The following SPACA4 variants were observed in gnomAD, a reference collection of about 807,000 sequenced individuals.
The protein encoded by SPACA4 is sperm acrosome associated 4.
For missense variants in SPACA4, 130 were observed against 169.4 expected, an observed-to-expected ratio of 0.77 and a Z score of 1.29; for synonymous variants, 63 against 77.5, an observed-to-expected ratio of 0.81 and a Z score of 0.98.
chr19:48,607,154 C>T lies in SPACA4; in HGVS notation c.176C>T (p.Pro59Leu), dbSNP rs751774402. Residue 59 changes from proline (P) to leucine (L), a missense_variant, in exon 1 of 1, where the codon CCG (proline) becomes CTG (leucine). By Grantham distance (98) the Pro-to-Leu change is moderately conservative (BLOSUM62 -3). Coordinates refer to ENST00000321762, the MANE Select transcript of SPACA4 (RefSeq NM_133498.3). ...CACGGGGTCGCCCCGGGCACTGGTC[C>T]GGTCATCAACAAAGGCTGCCTGCGA... ...TGHGVAPGTG[P>L]VINKGCLRAT... 1.2e-5 allele frequency: 20 copies of T among 1,612,910 alleles called. 1 individual carries two copies. In the South Asian group the frequency reaches 1.6e-4, roughly 13 times the overall value.
In SPACA4 at chr19:48,606,887, G is replaced by A. The variant is rs1309437743; in HGVS notation, c.-92G>A. The A allele has an allele frequency of 2.7e-6, 4 of 1,474,496 alleles. No homozygotes were observed. The highest frequency in any genetic ancestry group is 3.6e-6 in the Non-Finnish European group (4 of 1,109,786). The allele number at this position is 1,474,496 out of a possible 1,614,324, so 91.3% of individuals were successfully genotyped here. A position where few individuals can be genotyped will look rare whatever the true frequency, so the allele number is the denominator to read the frequency against. On this transcript the variant is annotated 5_prime_UTR_variant, in exon 1 of 1. Coordinates refer to ENST00000321762, the MANE Select transcript of SPACA4 (RefSeq NM_133498.3). Reference sequence around the variant, plus strand: ...ACCAGGGCCAAAGTCCCGTGGGCAAGAGGAGTCCTCAGAGGTCCTTCATTC... The same window carrying A: ...ACCAGGGCCAAAGTCCCGTGGGCAAAAGGAGTCCTCAGAGGTCCTTCATTC...
At position 48,606,916 on chromosome 19, in the gene SPACA4, G is replaced by C. The variant is rs1035544002; in HGVS notation, c.-63G>C. On this transcript the variant is annotated 5_prime_UTR_variant, in exon 1 of 1. Transcript: ENST00000321762. ...AGTCCTCAGAGGTCCTTCATTCAGC[G>C]GTTCCGGGAGGTCTGGGAAGCCCAC... 73 of 1,560,050 alleles carry C rather than the reference G, an allele frequency of 4.7e-5. No individual in the cohort carries two copies. In the South Asian group the frequency reaches 8.4e-4, roughly 18 times the overall value.
Position 48,607,018 on chromosome 19 carries a change from C to T in SPACA4, c.40C>T (p.Pro14Ser), listed in dbSNP as rs1336230530. Reference sequence around the variant, plus strand: ...GCTGCTGCTTCTGGTGATGGCTCTGCCCCCAGGCACGACGGGCGTCAAGGA... The same window carrying T: ...GCTGCTGCTTCTGGTGATGGCTCTGTCCCCAGGCACGACGGGCGTCAAGGA... ...CWLLLLVMAL[P>S]PGTTGVKDCV... is the part of the protein sequence containing the mutation. Residue 14 changes from proline to serine, a missense_variant, in exon 1 of 1, where the codon CCC (proline) becomes TCC (serine). Transcript: ENST00000321762. 6 of 1,610,660 alleles carry T rather than the reference C, an allele frequency of 3.7e-6. No homozygotes were observed. In the African/African-American group the frequency reaches 8.0e-5, roughly 21 times the overall value.
At position 48,606,942 on chromosome 19, in the gene SPACA4, G is replaced by C; in HGVS notation, c.-37G>C. 6.3e-7 allele frequency: 1 copy of C among 1,590,868 alleles called. No homozygotes were observed. Among genetic ancestry groups the C allele is most frequent in the Non-Finnish European group, 8.5e-7 (1 of 1,173,376 alleles). ...GTTCCGGGAGGTCTGGGAAGCCCAC[G>C]GCCTGGCTGGGGCAGGGTCAACGCC... On this transcript the variant is annotated 5_prime_UTR_variant, in exon 1 of 1. Transcript: ENST00000321762.
Position 48,607,028 on chromosome 19 carries a change from C to G in SPACA4, c.50C>G (p.Thr17Arg), listed in dbSNP as rs143767613. The G allele has an allele frequency of 1.2e-6, 2 of 1,611,704 alleles. No individual in the cohort carries two copies. The highest frequency in any genetic ancestry group is 1.6e-4 in the Middle Eastern group (1 of 6,062). The change falls in exon 1 of 1, where the codon ACG becomes AGG. Residue 17 changes from threonine (T) to arginine (R), a missense_variant. Transcript: ENST00000321762. Reference protein sequence around the residue: ...LLLVMALPPGTTGVKDCVFCE... With the variant: ...LLLVMALPPGRTGVKDCVFCE... ...CTGGTGATGGCTCTGCCCCCAGGCA[C>G]GACGGGCGTCAAGGACTGCGTCTTC... is the stretch of plus-strand genomic sequence containing the variant.
In SPACA4 at chr19:48,607,342, C is replaced by T. The variant is rs1279396805; in HGVS notation, c.364C>T (p.Arg122Cys). The T allele has an allele frequency of 5.7e-6, 9 of 1,589,094 alleles. No homozygotes were observed. The highest frequency in any genetic ancestry group is 3.4e-5 in the South Asian group (3 of 88,272). ...GGGGCTGGGTATGCTGCTTCCTCCACGTTTGCTGTGACCAACAGGGAGGAC... is the reference window on the plus strand; with the variant it reads ...GGGGCTGGGTATGCTGCTTCCTCCATGTTTGCTGTGACCAACAGGGAGGAC... The part of the protein sequence containing the change: ...ALGLGMLLPP[R>C]LL Residue 122 changes from arginine to cysteine, a missense_variant, in exon 1 of 1, where the codon CGT becomes TGT. Physicochemically the swap from Arg to Cys is radical, Grantham distance 180 (BLOSUM62 -3). Transcript: ENST00000321762.
chr19:48,607,454 C>A lies in SPACA4; in HGVS notation c.*101C>A. 1 of 1,423,086 alleles carries A rather than the reference C, an allele frequency of 7.0e-7. No individual in the cohort carries two copies. The highest frequency in any genetic ancestry group is 9.4e-7 in the Non-Finnish European group (1 of 1,063,338). 88.2% of individuals were successfully genotyped at this position (1,423,086 alleles called of 1,614,324 possible). A position where few individuals can be genotyped will look rare whatever the true frequency, so the allele number is the denominator to read the frequency against. On this transcript the variant is annotated 3_prime_UTR_variant, in exon 1 of 1. Transcript: ENST00000321762. Reference sequence around the variant, plus strand: ...AAATGGCCAGAGAGGCCCTGGACAACCTCTTGCGGCCCTGGCTTCATCCCT... The same window carrying A: ...AAATGGCCAGAGAGGCCCTGGACAAACTCTTGCGGCCCTGGCTTCATCCCT...
chr19:48,607,673 A>AT lies in SPACA4; in HGVS notation c.*320_*321insT, dbSNP rs199961807. On this transcript the variant is annotated 3_prime_UTR_variant, in exon 1 of 1. Transcript: ENST00000321762. ...TTAGAGTCCATGAAATATGGTAAAA[A>AT]ATATATATATATCATAATAAATGAC... 7.2e-3 allele frequency: 2,430 copies of AT among 335,606 alleles called. 13 individuals are homozygous for AT. The highest frequency in any genetic ancestry group is 8.4e-3 in the Non-Finnish European group (1,492 of 178,042). 20.8% of individuals were successfully genotyped at this position (335,606 alleles called of 1,614,324 possible). A position where few individuals can be genotyped will look rare whatever the true frequency, so the allele number is the denominator to read the frequency against.
Position 48,606,761 on chromosome 19 carries a change from G to T in SPACA4, c.-218G>T. 1.7e-6 allele frequency: 1 copy of T among 596,342 alleles called. No homozygotes were observed. The allele number at this position is 596,342 out of a possible 1,614,324, so 36.9% of individuals were successfully genotyped here. On this transcript the variant is annotated 5_prime_UTR_variant, in exon 1 of 1. Coordinates refer to ENST00000321762, the MANE Select transcript of SPACA4 (RefSeq NM_133498.3). Reference sequence around the variant, plus strand: ...TCACTCATTCCATTCACAGACTCTTGTTGGGCAGCAGCCACCCGCTCACCT... The same window carrying T: ...TCACTCATTCCATTCACAGACTCTTTTTGGGCAGCAGCCACCCGCTCACCT...
chr19:48,607,581 T>G lies in SPACA4; in HGVS notation c.*228T>G. 2 of 583,038 alleles carry G rather than the reference T, an allele frequency of 3.4e-6. No individual in the cohort carries two copies. The highest frequency in any genetic ancestry group is 6.2e-6 in the Non-Finnish European group (2 of 324,238). The allele number at this position is 583,038 out of a possible 1,614,324, so 36.1% of individuals were successfully genotyped here. ...CGTGGGTTTGATTGTATTACTCTGT[T>G]CCACTGGTTCTAAGACGCAGAGCTT... On this transcript the variant is annotated 3_prime_UTR_variant, in exon 1 of 1. Coordinates refer to ENST00000321762, the MANE Select transcript of SPACA4 (RefSeq NM_133498.3).
chr19:48,606,862 A>T lies in SPACA4; in HGVS notation c.-117A>T, dbSNP rs888481064. The T allele has an allele frequency of 7.5e-7, 1 of 1,329,788 alleles. No homozygotes were observed. The highest frequency in any genetic ancestry group is 1.5e-5 in the African/African-American group (1 of 67,910). The allele number at this position is 1,329,788 out of a possible 1,614,324, so 82.4% of individuals were successfully genotyped here. On this transcript the variant is annotated 5_prime_UTR_variant, in exon 1 of 1. Coordinates refer to ENST00000321762, the MANE Select transcript of SPACA4 (RefSeq NM_133498.3). ...CAGGCGCTGACCCTGGGAGGCCAGG[A>T]CCAGGGCCAAAGTCCCGTGGGCAAG...
Position 48,607,312 on chromosome 19 carries a change from G to C in SPACA4, c.334G>C (p.Ala112Pro). The C allele has an allele frequency of 1.9e-6, 3 of 1,596,884 alleles. No homozygotes were observed. Among genetic ancestry groups the C allele is most frequent in the Non-Finnish European group, 2.6e-6 (3 of 1,171,448 alleles). ...GACAGTGGGGGCCACCACCAGCCTGGCACTGGGGCTGGGTATGCTGCTTCC... is the reference window on the plus strand; with the variant it reads ...GACAGTGGGGGCCACCACCAGCCTGCCACTGGGGCTGGGTATGCTGCTTCC... The part of the protein sequence containing the change: ...SQTVGATTSL[A>P]LGLGMLLPPR... The change falls in exon 1 of 1, where the codon GCA (alanine) becomes CCA (proline). Residue 112 changes from alanine to proline, a missense_variant. Transcript: ENST00000321762.
In SPACA4 at chr19:48,607,291, G is replaced by C; in HGVS notation, c.313G>C (p.Val105Leu). 1.3e-6 allele frequency: 2 copies of C among 1,599,374 alleles called. No homozygotes were observed. ...TAACAGAGCCCCGAGCAGCCAGACA[G>C]TGGGGGCCACCACCAGCCTGGCACT... is the stretch of plus-strand genomic sequence containing the variant. ...LCNRAPSSQT[V>L]GATTSLALGL... Residue 105 changes from valine (V) to leucine (L), a missense_variant, in exon 1 of 1, where the codon GTG (valine) becomes CTG (leucine). Coordinates refer to ENST00000321762, the MANE Select transcript of SPACA4 (RefSeq NM_133498.3).
chr19:48,607,230 C>T lies in SPACA4; in HGVS notation c.252C>T (p.Tyr84=), dbSNP rs1973948426. The change falls in exon 1 of 1, where the codon TAC becomes TAT. Residue 84 remains tyrosine, a synonymous_variant. Coordinates refer to ENST00000321762, the MANE Select transcript of SPACA4 (RefSeq NM_133498.3). ...EEPVSYRGVT[Y]SLTTNCCTGR... is the part of the protein sequence containing the mutation. The stretch of plus-strand genomic sequence containing the variant: ...CCGTCAGCTACAGGGGCGTCACCTA[C>T]AGCCTCACCACCAACTGCTGCACCG... 1.2e-6 allele frequency: 2 copies of T among 1,612,480 alleles called. No homozygotes were observed. The highest frequency in any genetic ancestry group is 1.7e-6 in the Non-Finnish European group (2 of 1,179,564).
At position 48,607,394 on chromosome 19, in the gene SPACA4, C is replaced by T. The variant is rs745881533; in HGVS notation, c.*41C>T. On this transcript the variant is annotated 3_prime_UTR_variant, in exon 1 of 1. Coordinates refer to ENST00000321762, the MANE Select transcript of SPACA4 (RefSeq NM_133498.3). ...GGGCCTGGGACTGTTCTCCCAGATC[C>T]GCCACTCCCCATGTCCCCATGTCCT... The T allele has an allele frequency of 1.9e-5, 29 of 1,530,480 alleles. No individual in the cohort carries two copies. Among genetic ancestry groups the T allele is most frequent in the African/African-American group, 2.7e-5 (2 of 73,036 alleles). 94.8% of individuals were successfully genotyped at this position (1,530,480 alleles called of 1,614,324 possible). A position where few individuals can be genotyped will look rare whatever the true frequency, so the allele number is the denominator to read the frequency against.
rs1472775838 is a variant in SPACA4, at chr19:48,606,845, G to A, written c.-134G>A. 8.6e-7 allele frequency: 1 copy of A among 1,156,090 alleles called. No individual in the cohort carries two copies. The highest frequency in any genetic ancestry group is 1.2e-6 in the Non-Finnish European group (1 of 839,402). 71.6% of individuals were successfully genotyped at this position (1,156,090 alleles called of 1,614,324 possible). ...GGGAACAGAGGACACTCCAGGCGCT[G>A]ACCCTGGGAGGCCAGGACCAGGGCC... On this transcript the variant is annotated 5_prime_UTR_variant, in exon 1 of 1. Coordinates refer to ENST00000321762, the MANE Select transcript of SPACA4 (RefSeq NM_133498.3).
chr19:48,607,501 C>A lies in SPACA4; in HGVS notation c.*148C>A. 8.8e-7 allele frequency: 1 copy of A among 1,133,712 alleles called. No homozygotes were observed. Among genetic ancestry groups the A allele is most frequent in the Non-Finnish European group, 1.2e-6 (1 of 811,374 alleles). The allele number at this position is 1,133,712 out of a possible 1,614,324, so 70.2% of individuals were successfully genotyped here. A position where few individuals can be genotyped will look rare whatever the true frequency, so the allele number is the denominator to read the frequency against. On this transcript the variant is annotated 3_prime_UTR_variant, in exon 1 of 1. Coordinates refer to ENST00000321762, the MANE Select transcript of SPACA4 (RefSeq NM_133498.3). ...CCCTTCTAAGGCTGTCCACCAGGAG[C>A]CCGGTGCTAGGGGAAGCATCCCCAG...
chr19:48,607,417 C>T lies in SPACA4; in HGVS notation c.*64C>T. On this transcript the variant is annotated 3_prime_UTR_variant, in exon 1 of 1. Transcript: ENST00000321762. Reference sequence around the variant, plus strand: ...TCCGCCACTCCCCATGTCCCCATGTCCTTCCCCCACTAAATGGCCAGAGAG... The same window carrying T: ...TCCGCCACTCCCCATGTCCCCATGTTCTTCCCCCACTAAATGGCCAGAGAG... 8 of 1,499,232 alleles carry T rather than the reference C, an allele frequency of 5.3e-6. No homozygotes were observed. Among genetic ancestry groups the T allele is most frequent in the Non-Finnish European group, 6.3e-6 (7 of 1,118,296 alleles). 92.9% of individuals were successfully genotyped at this position (1,499,232 alleles called of 1,614,324 possible). A position where few individuals can be genotyped will look rare whatever the true frequency, so the allele number is the denominator to read the frequency against.
chr19:48,607,551 C>T lies in SPACA4; in HGVS notation c.*198C>T. ...GGCCTGACTGAGCGGCAGGGGAGCACGGCCCGTGGGTTTGATTGTATTACT... is the reference window on the plus strand; with the variant it reads ...GGCCTGACTGAGCGGCAGGGGAGCATGGCCCGTGGGTTTGATTGTATTACT... On this transcript the variant is annotated 3_prime_UTR_variant, in exon 1 of 1. Coordinates refer to ENST00000321762, the MANE Select transcript of SPACA4 (RefSeq NM_133498.3). The T allele has an allele frequency of 1.4e-6, 1 of 690,186 alleles. No homozygotes were observed. Among genetic ancestry groups the T allele is most frequent in the Non-Finnish European group, 2.4e-6 (1 of 408,898 alleles). The allele number at this position is 690,186 out of a possible 1,614,324, so 42.8% of individuals were successfully genotyped here. A position where few individuals can be genotyped will look rare whatever the true frequency, so the allele number is the denominator to read the frequency against.
Sources: allele counts gnomAD v4.1 joint callset, GRCh38; gene constraint gnomAD v4.1.1; transcripts MANE v1.5; gene names NCBI Gene and HGNC (gene_info 2026-07-23, HGNC 2026-07-21).